The following MYRIP variants were observed in gnomAD, a reference collection of about 807,000 sequenced individuals.
MYRIP encodes the protein myosin VIIA and Rab interacting protein.
A neutral mutation model predicts 98.0 loss-of-function variants in MYRIP; 49 were observed. The ratio of observed to expected loss-of-function variants is 0.50; its 90% CI spans 0.40 to 0.63. MYRIP has a LOEUF of 0.63. Ranked by LOEUF, MYRIP falls within the 30% of genes least tolerant of loss-of-function variation. The probability of loss-of-function intolerance (pLI) is 0.00; values close to 1 mark genes in which losing one functional copy is unlikely to be tolerated. For synonymous variants in MYRIP, 404 were observed against 409.5 expected, an observed-to-expected ratio of 0.99 and a Z score of 0.16; for missense variants, 1,004 against 1,058.2, an observed-to-expected ratio of 0.95 and a Z score of 0.71.
chr3:40,043,258 AAAT>A (rs1947586440), intron 2 of MYRIP, among the ~76,000 whole-genome samples: 1 of 152,150 alleles, frequency 6.6e-6, no homozygotes, highest in Non-Finnish European at 1.5e-5. Context: ...ATAGTAGTAA[AAAT>A]AATAATTTTT....
chr3:39,937,984 C>A (rs1003234884), intron 2 of MYRIP, among the ~76,000 whole-genome samples: 2 of 152,028 alleles, frequency 1.3e-5, no homozygotes, highest in African/African-American at 4.8e-5. Context: ...GATGAGAGTC[C>A]AGAGAAGCAG....
intron 11 of MYRIP, among the ~76,000 whole-genome samples, chr3:40,217,624 TG>T (rs1952164313): frequency 6.6e-6 from 1 of 152,164 alleles, no homozygotes; most frequent in African/African-American, 2.4e-5. Context: ...CAGCAGTGAC[TG>T]GTAGCCTTTT....
intron 1 of MYRIP, among the ~76,000 whole-genome samples, chr3:39,881,772 C>G (rs1259299723): frequency 1.3e-5 from 2 of 152,094 alleles, no homozygotes; most frequent in Non-Finnish European, 2.9e-5. Context: ...GAACAAATAG[C>G]CATTATCTTG....
At chr3:40,137,651 C>A (rs1949809203) in intron 3 of MYRIP, among the ~76,000 whole-genome samples, 1 of 152,080 alleles carries the variant, frequency 6.6e-6, no homozygotes, top group Non-Finnish European at 1.5e-5. Flanking sequence ...TACTGGCAAA[C>A]CAAATCCAGC....
chr3:40,017,822 A>G (rs983649593), intron 2 of MYRIP, among the ~76,000 whole-genome samples: 2 of 151,668 alleles, frequency 1.3e-5, no homozygotes, highest in African/African-American at 4.8e-5. Context: ...GAAAGAATCA[A>G]TTTGGTTTTC....
intron 2 of MYRIP, among the ~76,000 whole-genome samples, chr3:39,965,099 A>G (rs143762842): frequency 2.0e-5 from 3 of 152,122 alleles, no homozygotes; most frequent in Non-Finnish European, 4.4e-5. Flanking sequence ...ATTCTTTATA[A>G]TTTTTTCTCC....
chr3:39,954,357 A>G (rs1290286802), intron 2 of MYRIP, among the ~76,000 whole-genome samples: 1 of 152,120 alleles, frequency 6.6e-6, no homozygotes, highest in African/African-American at 2.4e-5. Context: ...CCATTCTGCA[A>G]TATGTGCTGT....
intron 10 of MYRIP, among the ~76,000 whole-genome samples, chr3:40,192,626 C>T (rs1951269091): frequency 6.6e-6 from 1 of 152,022 alleles, no homozygotes; most frequent in South Asian, 2.1e-4. Context: ...TTTCTCCTAA[C>T]AGTAAGTGAT....
chr3:39,936,968 A>C (rs1468749633), intron 2 of MYRIP, among the ~76,000 whole-genome samples: 13 of 152,118 alleles, frequency 8.5e-5, no homozygotes. Context: ...ACAGTTAATT[A>C]TTTCCATTGA....
intron 2 of MYRIP, among the ~76,000 whole-genome samples, chr3:40,032,790 C>T (rs763943793): frequency 1.8e-4 from 28 of 152,134 alleles, no homozygotes; most frequent in Non-Finnish European, 3.7e-4. Flanking sequence ...AGACCAATAT[C>T]CTTGATGAAA....
intron 4 of MYRIP, among the ~76,000 whole-genome samples, chr3:40,160,808 CTCCCTGGCCCCTTGCGCTTCCTG>C (rs1950373647): frequency 6.6e-6 from 1 of 152,228 alleles, no homozygotes; most frequent in Non-Finnish European, 1.5e-5. Flanking sequence ...GGAAAGGGAA[CTCCCTGGCCCCTTGCGCTTCCTG>C]AGTGAGGCAA....
intron 3 of MYRIP, among the ~76,000 whole-genome samples, chr3:40,112,855 G>A (rs544780811): frequency 7.2e-5 from 11 of 152,268 alleles, no homozygotes; most frequent in Admixed American, 2.6e-4. Context: ...TATTGTACAA[G>A]CCTGAGAGCA....
chr3:40,208,011 G>A (rs765375456), intron 10 of MYRIP, among the ~76,000 whole-genome samples: 1 of 152,070 alleles, frequency 6.6e-6, no homozygotes, highest in Non-Finnish European at 1.5e-5. Flanking sequence ...AAATAGTGAT[G>A]ATTTATGTCA....
intron 1 of MYRIP, among the ~76,000 whole-genome samples, chr3:39,812,925 A>C (rs532516635): frequency 6.6e-6 from 1 of 152,294 alleles, no homozygotes; most frequent in South Asian, 2.1e-4. Context: ...CATGGGTAGA[A>C]CTCTATCCCA....
chr3:40,060,583 T>A (rs1947986552), intron 3 of MYRIP, among the ~76,000 whole-genome samples: 1 of 94,898 alleles, frequency 1.1e-5, no homozygotes, highest in East Asian at 4.0e-4. Context: ...GATTTTCTTT[T>A]TTTTTCTTTT....
At chr3:39,979,668 A>AG (rs1491506469) in intron 2 of MYRIP, among the ~76,000 whole-genome samples, 8 of 149,762 alleles carry the variant, frequency 5.3e-5, no homozygotes, top group African/African-American at 2.0e-4. Flanking sequence ...AAAAAAAAAA[A>AG]CAAAAAAAAA....
Position 39,897,051 on chromosome 3 carries a change from T to A in MYRIP, c.-30-3736T>A, listed in dbSNP as rs372662964. Among the ~76,000 whole-genome samples the A allele has an allele frequency of 8.9e-4, 136 of 152,322 alleles. 2 individuals carry two copies. The South Asian group carries it at 0.026, about 29-fold the overall frequency. ...CTAACTCTGTTGCTTCTTATGATAA[T>A]TAAATTTGAAAAATAGCTAAATCAA... is the stretch of plus-strand genomic sequence containing the variant. On this transcript the variant is annotated intron_variant, in intron 1 of 16. Transcript: ENST00000302541.
chr3:40,115,794 C>CTTTT (rs375597220), intron 3 of MYRIP, among the ~76,000 whole-genome samples: 1 of 141,536 alleles, frequency 7.1e-6, no homozygotes, highest in Admixed American at 7.1e-5. Flanking sequence ...GTTCACAGTT[C>CTTTT]TTTTTTTTTT....
chr3:39,863,517 G>A (rs551580566), intron 1 of MYRIP, among the ~76,000 whole-genome samples: 2 of 151,844 alleles, frequency 1.3e-5, no homozygotes, highest in African/African-American at 2.4e-5. Context: ...ACCTCTCAGA[G>A]GCTACTATGA....
Sources: allele counts gnomAD v4.1 joint callset (sites outside exome capture counted in the v4.1 genomes callset), GRCh38; gene constraint gnomAD v4.1.1; transcripts MANE v1.5; gene names NCBI Gene and HGNC (gene_info 2026-07-23, HGNC 2026-07-21).